The following ADRA1A variants were observed in gnomAD, a reference collection of about 807,000 sequenced individuals.
ADRA1A encodes the protein adrenoceptor alpha 1A.
ADRA1A carries 31 observed loss-of-function variants against 29.6 expected under a neutral mutation model. The ratio of observed to expected loss-of-function variants is 1.05; its 90% confidence interval spans 0.79 to 1.41. The LOEUF is 1.41. Among genes scored for constraint, ADRA1A ranks in the 40% most tolerant of loss-of-function variants. ADRA1A has a pLI of 0.00. For synonymous variants in ADRA1A, 311 were observed against 254.3 expected (o/e 1.22, Z -2.12); for missense variants, 619 against 601.1 (o/e 1.03, Z -0.31).
chr8:26,814,464 G>A (rs1809630016), intron 2 of ADRA1A, among the ~76,000 whole-genome samples: 1 of 152,194 alleles, frequency 6.6e-6, no homozygotes, highest in Non-Finnish European at 1.5e-5. Context: ...GTCTTGCTAT[G>A]TTGCCCAGGC....
At chr8:26,846,310 G>A (rs1812195739) in intron 2 of ADRA1A, among the ~76,000 whole-genome samples, 1 of 152,186 alleles carries the variant, frequency 6.6e-6, no homozygotes, top group Non-Finnish European at 1.5e-5. Flanking sequence ...AGGAATTCCT[G>A]TAGCATAAAC....
At chr8:26,851,283 G>T (rs1049443090) in intron 2 of ADRA1A, among the ~76,000 whole-genome samples, 1 of 152,108 alleles carries the variant, frequency 6.6e-6, no homozygotes, top group Non-Finnish European at 1.5e-5. Flanking sequence ...AGAACTGAAG[G>T]TTTAAACATG....
At chr8:26,783,475 C>T (rs1053263465) in intron 2 of ADRA1A, among the ~76,000 whole-genome samples, 1 of 152,182 alleles carries the variant, frequency 6.6e-6, no homozygotes, top group Non-Finnish European at 1.5e-5. Flanking sequence ...TATACGTCTC[C>T]TATAAGGCAG....
rs1585762627 is a variant in ADRA1A, at chr8:26,821,764, G to A, written c.883+42323C>T. Among the ~76,000 whole-genome samples the A allele has an allele frequency of 2.0e-5, 3 of 151,836 alleles. No individual in the cohort carries two copies. The highest frequency in any genetic ancestry group is 6.6e-5 in the Admixed American group (1 of 15,244). ...ACCCACTTCCCTTCTGCCCCACCCC[G>A]ATCTTCACTCCTGGAAATCACTAAT... On this transcript the variant is annotated intron_variant, in intron 2 of 2. Coordinates refer to ENST00000380573, the MANE Select transcript of ADRA1A (RefSeq NM_000680.4). This position sits in a 1 kb window ranked among gnomAD's most constrained non-coding sequence, Gnocchi z 5.6.
In ADRA1A at chr8:26,841,671, T is replaced by C. The variant is rs971516308; in HGVS notation, c.883+22416A>G. On this transcript the variant is annotated intron_variant, in intron 2 of 2. Transcript: ENST00000380573. The surrounding 1 kb of genome is among the most constrained non-coding windows in gnomAD (Gnocchi z 4.4). ...CCTGTCCCTAACATTCAGCTGAAAC[T>C]GTTCCTAGATCCCAAACTCCTACCC... Among the ~76,000 whole-genome samples the C allele has an allele frequency of 1.3e-5, 2 of 152,152 alleles. No individual in the cohort carries two copies. The highest frequency in any genetic ancestry group is 2.9e-5 in the Non-Finnish European group (2 of 68,044).
downstream of ADRA1A, among the ~76,000 whole-genome samples, chr8:26,753,389 C>T (rs570935259): frequency 6.6e-6 from 1 of 152,106 alleles, no homozygotes; most frequent in Non-Finnish European, 1.5e-5. Context: ...GAATGCGGCC[C>T]CTGTACACCC....
chr8:26,775,486 C>G lies in ADRA1A; in HGVS notation c.884-4820G>C, dbSNP rs1278346050. Among the ~76,000 whole-genome samples, 1 of 152,176 alleles carries G rather than the reference C, an allele frequency of 6.6e-6. No homozygotes were observed. The highest frequency in any genetic ancestry group is 2.4e-5 in the African/African-American group (1 of 41,428). ...ATGCTTCATAGGAAGAGCCAGACTTCCAAATCACCCACATGAGAATAGGGG... is the reference window on the plus strand; with the variant it reads ...ATGCTTCATAGGAAGAGCCAGACTTGCAAATCACCCACATGAGAATAGGGG... On this transcript the variant is annotated intron_variant, in intron 2 of 2. Coordinates refer to ENST00000380573, the MANE Select transcript of ADRA1A (RefSeq NM_000680.4). The surrounding 1 kb of genome is among the most constrained non-coding windows in gnomAD (Gnocchi z 4.1).
chr8:26,756,653 G>T, exon 3 of ADRA1A: 1 of 1,603,780 alleles, frequency 6.2e-7, no homozygotes, highest in Non-Finnish European at 8.5e-7. Context: ...AGGCTCCTGG[G>T]CTCCTGGGGT....
chr8:26,793,511 A>G (rs1022607544), intron 2 of ADRA1A, among the ~76,000 whole-genome samples: 2 of 152,010 alleles, frequency 1.3e-5, no homozygotes, highest in African/African-American at 2.4e-5. Context: ...TAAAAAGCAG[A>G]AAATCATTAG....
chr8:26,865,008 G>A lies in ADRA1A; in HGVS notation c.-39C>T. On this transcript the variant is annotated 5_prime_UTR_variant, in exon 2 of 3. Coordinates refer to ENST00000380573, the MANE Select transcript of ADRA1A (RefSeq NM_000680.4). The surrounding 1 kb of genome is among the most constrained non-coding windows in gnomAD (Gnocchi z 7.6). ...GCCGGGCGAGGTCCGGCTGTCCAGG[G>A]CCACCTCCCGGGCTGGCGCGGAGGC... is the stretch of plus-strand genomic sequence containing the variant. 6.5e-7 allele frequency: 1 copy of A among 1,545,584 alleles called. No individual in the cohort carries two copies. The highest frequency in any genetic ancestry group is 1.9e-5 in the Admixed American group (1 of 52,996).
At chr8:26,789,122 C>A (rs1354525581) in intron 2 of ADRA1A, among the ~76,000 whole-genome samples, 1 of 151,758 alleles carries the variant, frequency 6.6e-6, no homozygotes, top group East Asian at 1.9e-4. Context: ...CCCTGACAGG[C>A]CTCCAGGTGT....
At chr8:26,855,317 T>C (rs1277197351) in intron 2 of ADRA1A, among the ~76,000 whole-genome samples, 1 of 152,068 alleles carries the variant, frequency 6.6e-6, no homozygotes, top group Non-Finnish European at 1.5e-5. Flanking sequence ...CTACATCTTC[T>C]TGGCACATTT....
chr8:26,812,314 C>T (rs1034226758), intron 2 of ADRA1A, among the ~76,000 whole-genome samples: 2 of 152,228 alleles, frequency 1.3e-5, no homozygotes, highest in Non-Finnish European at 2.9e-5. Flanking sequence ...TCTCCATATT[C>T]TGTCAACTCA....
In ADRA1A at chr8:26,865,658, G is replaced by A. The variant is rs369590545; in HGVS notation, c.-686-3C>T. 1 of 986,166 alleles carries A rather than the reference G, an allele frequency of 1.0e-6. No individual in the cohort carries two copies. 61.1% of individuals were successfully genotyped at this position (986,166 alleles called of 1,614,324 possible). ...GGGCATCGTTTGACCGCGTCCACCTGAAAGAGCGCAAAGAGAAAGGCGGCT... is the reference window on the plus strand; with the variant it reads ...GGGCATCGTTTGACCGCGTCCACCTAAAAGAGCGCAAAGAGAAAGGCGGCT... On this transcript the variant is annotated splice_region_variant and splice_polypyrimidine_tract_variant and intron_variant, in intron 1 of 2. Transcript: ENST00000380573. This position sits in a 1 kb window ranked among gnomAD's most constrained non-coding sequence, Gnocchi z 7.6.
At chr8:26,855,644 C>T (rs1465814801) in intron 2 of ADRA1A, among the ~76,000 whole-genome samples, 1 of 152,054 alleles carries the variant, frequency 6.6e-6, no homozygotes, top group Non-Finnish European at 1.5e-5. Context: ...GGCTTAAAAC[C>T]TAGATAATGG....
At chr8:26,861,899 G>A (rs530400670) in intron 2 of ADRA1A, among the ~76,000 whole-genome samples, 8 of 151,976 alleles carry the variant, frequency 5.3e-5, no homozygotes, top group South Asian at 4.2e-4. Flanking sequence ...CTCTCCCCTC[G>A]ACTTCTAATA....
Position 26,775,262 on chromosome 8 carries a change from C to T in ADRA1A, c.884-4596G>A, listed in dbSNP as rs188356987. Among the ~76,000 whole-genome samples the T allele has an allele frequency of 3.9e-4, 59 of 152,342 alleles. No homozygotes were observed. The highest frequency in any genetic ancestry group is 7.8e-4 in the Non-Finnish European group (53 of 68,036). On this transcript the variant is annotated intron_variant, in intron 2 of 2. Transcript: ENST00000380573. This position sits in a 1 kb window ranked among gnomAD's most constrained non-coding sequence, Gnocchi z 4.1. The stretch of plus-strand genomic sequence containing the variant: ...GTGTTCTTGCCATGGTTCTTCTTCA[C>T]AGTGTGGCTTGGTTTTCTTTTCTGC...
Position 26,825,590 on chromosome 8 carries a change from C to G in ADRA1A, c.883+38497G>C, listed in dbSNP as rs921855448. On this transcript the variant is annotated intron_variant, in intron 2 of 2. Transcript: ENST00000380573. This position sits in a 1 kb window ranked among gnomAD's most constrained non-coding sequence, Gnocchi z 5.7. ...TTGATACTTATATCCCACTTATTCACTAATCCCAGATCAAGCTTCACTTCC... is the reference window on the plus strand; with the variant it reads ...TTGATACTTATATCCCACTTATTCAGTAATCCCAGATCAAGCTTCACTTCC... Among the ~76,000 whole-genome samples, 3 of 152,206 alleles carry G rather than the reference C, an allele frequency of 2.0e-5. No individual in the cohort carries two copies. The highest frequency in any genetic ancestry group is 7.2e-5 in the African/African-American group (3 of 41,442).
At position 26,808,504 on chromosome 8, in the gene ADRA1A, A is replaced by G. The variant is rs141740423; in HGVS notation, c.884-37838T>C. ...TTCTTTGGTGATCTTGGCAATTCTT[A>G]GGACTCTATAGATCACTTCTATGCT... On this transcript the variant is annotated intron_variant, in intron 2 of 2. Coordinates refer to ENST00000380573, the MANE Select transcript of ADRA1A (RefSeq NM_000680.4). 6.3e-3 allele frequency among the ~76,000 whole-genome samples: 961 copies of G among 152,292 alleles called. 7 individuals carry two copies. Among genetic ancestry groups the G allele is most frequent in the Non-Finnish European group, 0.01 (703 of 68,026 alleles).
Sources: allele counts gnomAD v4.1 joint callset (sites outside exome capture counted in the v4.1 genomes callset), GRCh38; gene constraint gnomAD v4.1.1; non-coding constraint Gnocchi (gnomAD v3.1); transcripts MANE v1.5; gene names NCBI Gene and HGNC (gene_info 2026-07-23, HGNC 2026-07-21).